The following GPM6A variants were observed in gnomAD, a reference collection of about 807,000 sequenced individuals.
The protein encoded by GPM6A is glycoprotein M6A.
Under a neutral mutation model 32.1 loss-of-function variants are expected in GPM6A, and 7 were observed. That is an observed-to-expected ratio of 0.22 (90% CI 0.12 to 0.41). The LOEUF (loss-of-function observed/expected upper bound fraction) is 0.41, where lower values mean the gene tolerates loss of function less well. Ranked by LOEUF, GPM6A falls within the 10% of genes least tolerant of loss-of-function variation. The pLI, the probability that GPM6A is intolerant of heterozygous loss-of-function variation, is 1.00. For synonymous variants in GPM6A, 130 were observed against 123.4 expected (o/e 1.05, Z -0.35); for missense variants, 235 against 347.2 (o/e 0.68, Z 2.57).
Position 175,876,963 on chromosome 4 carries a change from CAG to C in GPM6A, c.-22-64716_-22-64715del, listed in dbSNP as rs556744015. On this transcript the variant is annotated intron_variant, in intron 1 of 7. Coordinates refer to the GPM6A transcript ENST00000280187. The stretch of plus-strand genomic sequence containing the variant: ...CGTAACAGACAGGATTCTGCATAAA[CAG>C]AGTGTGCCTCAAAGTCCATGCGGTC... Among the ~76,000 whole-genome samples the C allele has an allele frequency of 9.9e-5, 15 of 152,262 alleles. No individual in the cohort carries two copies. In the South Asian group the frequency reaches 3.1e-3, roughly 32 times the overall value.
chr4:175,849,030 A>T (rs1433844369), intron 1 of GPM6A, among the ~76,000 whole-genome samples: 6 of 152,170 alleles, frequency 3.9e-5, no homozygotes, highest in Admixed American at 3.9e-4. Flanking sequence ...CTTGATATTT[A>T]TTTCTGCATG....
chr4:175,781,261 G>A (rs538630623), intron 1 of GPM6A: 1 of 152,288 alleles, frequency 6.6e-6, no homozygotes, highest in South Asian at 2.1e-4. Context: ...AGAGGCCCAA[G>A]CGGACTGAGG....
intron 1 of GPM6A, among the ~76,000 whole-genome samples, chr4:175,748,874 T>C (rs897581994): frequency 6.6e-6 from 1 of 152,216 alleles, no homozygotes; most frequent in African/African-American, 2.4e-5. Context: ...TGTTCTTAGC[T>C]AGATCTTCTG....
intron 2 of GPM6A, among the ~76,000 whole-genome samples, chr4:175,684,506 C>A (rs1008310527): frequency 6.6e-6 from 1 of 151,870 alleles, no homozygotes; most frequent in Non-Finnish European, 1.5e-5. Context: ...CTAATTTTAT[C>A]AAATTAGATA....
intron 1 of GPM6A, among the ~76,000 whole-genome samples, chr4:175,967,358 T>C (rs1180989353): frequency 6.6e-6 from 1 of 152,176 alleles, no homozygotes; most frequent in African/African-American, 2.4e-5. Context: ...AACTAGAAGC[T>C]TTCCTGCTAT....
At chr4:175,876,934 C>T (rs1460468133) in intron 1 of GPM6A, among the ~76,000 whole-genome samples, 4 of 152,218 alleles carry the variant, frequency 2.6e-5, no homozygotes, top group Non-Finnish European at 2.9e-5. Flanking sequence ...ACTGGTGACA[C>T]TGTCGTAACA....
chr4:175,905,985 T>C (rs959920533), intron 1 of GPM6A, among the ~76,000 whole-genome samples: 1 of 152,128 alleles, frequency 6.6e-6, no homozygotes, highest in Admixed American at 6.6e-5. Context: ...ATTTGGGAAG[T>C]CAACAGAATA....
At chr4:175,850,428 C>A (rs1736217182) in intron 1 of GPM6A, among the ~76,000 whole-genome samples, 1 of 151,962 alleles carries the variant, frequency 6.6e-6, no homozygotes, top group Admixed American at 6.6e-5. Context: ...AGATAGAAAC[C>A]AGGATGATTA....
At chr4:175,948,077 T>A (rs1377368389) in intron 1 of GPM6A, among the ~76,000 whole-genome samples, 1 of 152,134 alleles carries the variant, frequency 6.6e-6, no homozygotes, top group African/African-American at 2.4e-5. Flanking sequence ...ATTTCAGAGT[T>A]AGTAAATGCA....
intron 1 of GPM6A, among the ~76,000 whole-genome samples, chr4:175,871,116 ACTTTAT>A (rs1736892082): frequency 6.6e-6 from 1 of 151,614 alleles, no homozygotes; most frequent in African/African-American, 2.4e-5. Flanking sequence ...TATCTTTCTC[ACTTTAT>A]CTTTACCTTG....
chr4:175,640,895 T>G, intron 4 of GPM6A, 66 bp from the exon 5 acceptor site: 1 of 1,028,568 alleles, frequency 9.7e-7, no homozygotes, highest in Non-Finnish European at 1.5e-6. Flanking sequence ...GAGAAAAAAA[T>G]GAGTTTTTGC....
chr4:175,796,011 A>G (rs1268890146), intron 1 of GPM6A: 1 of 152,198 alleles, frequency 6.6e-6, no homozygotes, highest in African/African-American at 2.4e-5. Context: ...CTTAATTGCA[A>G]TCTTGTCACT....
At chr4:175,731,749 C>T (rs568763928) in intron 1 of GPM6A, among the ~76,000 whole-genome samples, 5 of 152,276 alleles carry the variant, frequency 3.3e-5, no homozygotes, top group East Asian at 3.9e-4. Context: ...ATACTCAGGG[C>T]GATAGCCTAG....
intron 1 of GPM6A, among the ~76,000 whole-genome samples, chr4:175,842,072 A>T (rs537038343): frequency 1.2e-4 from 19 of 152,272 alleles, no homozygotes; most frequent in African/African-American, 4.3e-4. Context: ...GGGTATTAAA[A>T]TTTAGTTCTT....
At chr4:175,876,260 G>T (rs1403807862) in intron 1 of GPM6A, among the ~76,000 whole-genome samples, 1 of 152,242 alleles carries the variant, frequency 6.6e-6, no homozygotes, top group African/African-American at 2.4e-5. Flanking sequence ...GTTTCATGAA[G>T]TAGCTCATAT....
intron 1 of GPM6A, among the ~76,000 whole-genome samples, chr4:175,900,537 T>C (rs61389335): frequency 0.033 from 4,928 of 149,838 alleles, 271 homozygotes; most frequent in African/African-American, 0.11. Flanking sequence ...ACATCATTGA[T>C]CATCAGAGAA....
upstream of GPM6A, among the ~76,000 whole-genome samples, chr4:175,816,952 C>T (rs565047434): frequency 2.0e-4 from 30 of 152,170 alleles, no homozygotes; most frequent in South Asian, 2.5e-3. Flanking sequence ...CTCCGCCTCC[C>T]GGGTTCACGC....
At chr4:175,765,127 GC>G (rs201149881) in intron 1 of GPM6A, among the ~76,000 whole-genome samples, 2,141 of 152,082 alleles carry the variant, frequency 0.014, 19 homozygotes, top group Non-Finnish European at 0.022. Flanking sequence ...ACCCACCTCG[GC>G]CCCCACAAAG....
chr4:175,702,786 G>A (rs1329410929), intron 1 of GPM6A, among the ~76,000 whole-genome samples: 2 of 152,186 alleles, frequency 1.3e-5, no homozygotes, highest in East Asian at 1.9e-4. Context: ...AATATTAAAA[G>A]TGACAGAGAC....
Sources: allele counts gnomAD v4.1 joint callset (sites outside exome capture counted in the v4.1 genomes callset), GRCh38; gene constraint gnomAD v4.1.1; transcripts MANE v1.5; gene names NCBI Gene and HGNC (gene_info 2026-07-23, HGNC 2026-07-21).